WWC2: variants seen among roughly 807,000 people sequenced by gnomAD.
The protein encoded by WWC2 is WW and C2 domain containing 2, also known as protein WWC2.
Under a neutral mutation model 138.5 loss-of-function variants are expected in WWC2, and 101 were observed. The observed-to-expected ratio is 0.73, with a 90% confidence interval of 0.62 to 0.86. WWC2 has a LOEUF of 0.86. Among genes scored for constraint, WWC2 ranks in the 40% least tolerant of loss-of-function variants. The pLI, the probability that WWC2 is intolerant of heterozygous loss-of-function variation, is 0.00. For synonymous variants in WWC2, 558 were observed against 538.4 expected, an observed-to-expected ratio of 1.04 and a Z score of -0.50; for missense variants, 1,420 against 1,419.4, an observed-to-expected ratio of 1.00 and a Z score of -0.01.
intron 1 of WWC2, among the ~76,000 whole-genome samples, chr4:183,112,330 T>C (rs1732261760): frequency 6.6e-6 from 1 of 152,334 alleles, no homozygotes; most frequent in East Asian, 1.9e-4. Flanking sequence ...TGATTCTAAG[T>C]TATTTGAGAA....
At chr4:183,264,274 T>C (rs559764948) in intron 11 of WWC2, among the ~76,000 whole-genome samples, 1 of 152,180 alleles carries the variant, frequency 6.6e-6, no homozygotes, top group Non-Finnish European at 1.5e-5. Flanking sequence ...GCGCTCACTC[T>C]CACTCACTGG....
intron 1 of WWC2, among the ~76,000 whole-genome samples, chr4:183,116,099 C>T (rs548670050): frequency 6.6e-6 from 1 of 152,228 alleles, no homozygotes; most frequent in South Asian, 2.1e-4. Context: ...ATAGGAAGTA[C>T]TCTCCCCATT....
intron 16 of WWC2, 37 bp from the exon 17 acceptor site, chr4:183,280,739 A>T: frequency 6.4e-7 from 1 of 1,568,008 alleles, no homozygotes. Flanking sequence ...TTTTTCAAGT[A>T]TATTATGTTA....
At chr4:183,278,043 G>C (rs1183887808) in intron 16 of WWC2, among the ~76,000 whole-genome samples, 2 of 152,024 alleles carry the variant, frequency 1.3e-5, no homozygotes, top group Non-Finnish European at 2.9e-5. Flanking sequence ...TAGACATGGA[G>C]TCCTTGCCCA....
At chr4:183,160,435 G>A (rs1291408555) in intron 1 of WWC2, among the ~76,000 whole-genome samples, 2 of 152,234 alleles carry the variant, frequency 1.3e-5, no homozygotes, top group African/African-American at 4.8e-5. Context: ...AATGTGGGAT[G>A]AGAGGTAGAC....
chr4:183,259,843 C>A, intron 10 of WWC2, 115 bp downstream of exon 10: 1 of 773,976 alleles, frequency 1.3e-6, no homozygotes, highest in Non-Finnish European at 2.1e-6. Flanking sequence ...ATTATAGTAG[C>A]ACAGTTACTG....
chr4:183,197,537 A>G (rs1735178353), intron 2 of WWC2, among the ~76,000 whole-genome samples: 1 of 152,220 alleles, frequency 6.6e-6, no homozygotes, highest in African/African-American at 2.4e-5. Flanking sequence ...CTTGACTGTG[A>G]AAGTTATTTT....
chr4:183,123,714 TATAC>T (rs1242039901), intron 1 of WWC2, among the ~76,000 whole-genome samples: 3 of 152,142 alleles, frequency 2.0e-5, no homozygotes, highest in African/African-American at 4.8e-5. Flanking sequence ...ATATATTAAA[TATAC>T]ATTTTGAATT....
rs939887289 is a variant in WWC2, at chr4:183,315,700, A to C, written c.3550A>C (p.Ile1184Leu). The C allele has an allele frequency of 1.2e-6, 2 of 1,613,472 alleles. No individual in the cohort carries two copies. Among genetic ancestry groups the C allele is most frequent in the African/African-American group, 2.7e-5 (2 of 74,936 alleles). The change falls in exon 23 of 23, where the codon ATC becomes CTC. Residue 1184 changes from isoleucine to leucine, a missense_variant. Coordinates refer to ENST00000403733, the MANE Select transcript of WWC2 (RefSeq NM_024949.6). ...IAYFTRAKIS[I>L]PSLPADDV ...CTACTTCACCAGAGCAAAGATAAGCATCCCATCCCTGCCAGCTGATGATGT... is the reference window on the plus strand; with the variant it reads ...CTACTTCACCAGAGCAAAGATAAGCCTCCCATCCCTGCCAGCTGATGATGT...
chr4:183,106,695 T>C (rs1743371751), intron 1 of WWC2, among the ~76,000 whole-genome samples: 1 of 152,206 alleles, frequency 6.6e-6, no homozygotes. Flanking sequence ...TCCCTTTGTA[T>C]CTGGCTTCTT....
intron 16 of WWC2, among the ~76,000 whole-genome samples, chr4:183,279,607 G>A (rs972681336): frequency 1.3e-5 from 2 of 152,002 alleles, no homozygotes; most frequent in Non-Finnish European, 2.9e-5. Context: ...ATCTGGTCCT[G>A]GACTCTTTTT....
intron 1 of WWC2, among the ~76,000 whole-genome samples, chr4:183,178,581 TAAAAAAA>T (rs75621020): frequency 3.9e-5 from 5 of 129,798 alleles, no homozygotes; most frequent in Non-Finnish European, 6.7e-5. Context: ...CCAGTCTCTT[TAAAAAAA>T]AAAAAAAAAA....
intron 22 of WWC2, 146 bp downstream of exon 22, chr4:183,312,614 G>A (rs1243438994): frequency 2.4e-6 from 3 of 1,247,460 alleles, no homozygotes; most frequent in South Asian, 1.5e-5. Context: ...TTTTCCATTT[G>A]CACCTGAGGT....
chr4:183,116,602 C>T (rs1732418391), intron 1 of WWC2, among the ~76,000 whole-genome samples: 1 of 152,206 alleles, frequency 6.6e-6, no homozygotes, highest in Admixed American at 6.5e-5. Context: ...GCCTCCCTGG[C>T]TTTGGAAGAT....
chr4:183,285,380 G>A (rs958027545), intron 19 of WWC2, among the ~76,000 whole-genome samples: 1 of 152,140 alleles, frequency 6.6e-6, no homozygotes, highest in Non-Finnish European at 1.5e-5. Context: ...TCATGTATTA[G>A]CTAAAAATAC....
In WWC2 at chr4:183,315,723, T is replaced by C. The variant is rs996772925; in HGVS notation, c.3573T>C (p.Asp1191=). ...KISIPSLPAD[D]V is the part of the protein sequence containing the mutation. ...GCATCCCATCCCTGCCAGCTGATGATGTGTGATTACATGACTTAAGAAATT... is the reference window on the plus strand; with the variant it reads ...GCATCCCATCCCTGCCAGCTGATGACGTGTGATTACATGACTTAAGAAATT... Residue 1191 remains aspartate, a synonymous_variant, in exon 23 of 23, where the codon GAT becomes GAC. Coordinates refer to ENST00000403733, the MANE Select transcript of WWC2 (RefSeq NM_024949.6). 7 of 1,611,928 alleles carry C rather than the reference T, an allele frequency of 4.3e-6. No homozygotes were observed. The highest frequency in any genetic ancestry group is 3.3e-5 in the Admixed American group (2 of 59,916).
At chr4:183,170,425 G>A (rs1734244405) in intron 1 of WWC2, among the ~76,000 whole-genome samples, 1 of 152,180 alleles carries the variant, frequency 6.6e-6, no homozygotes, top group Non-Finnish European at 1.5e-5. Flanking sequence ...TCAAGTTCTG[G>A]AGTCAGTCAT....
intron 1 of WWC2, among the ~76,000 whole-genome samples, chr4:183,105,313 C>T (rs188477637): frequency 5.9e-5 from 9 of 152,316 alleles, no homozygotes; most frequent in Non-Finnish European, 8.8e-5. Flanking sequence ...CCAGGTGCAC[C>T]AGGAAAAGCG....
In WWC2 at chr4:183,261,324, G is replaced by C; in HGVS notation, c.1701G>C (p.Thr567=). The change falls in exon 11 of 23, where the codon ACG becomes ACC. Residue 567 remains threonine (T), a synonymous_variant. Transcript: ENST00000403733. ...GCTCTCCCTTGGTTTTGGAAGGCAC[G>C]TTTCCCATGTCTTCTTCTCATGATG... ...PPGSPLVLEG[T]FPMSSSHDAS... is the part of the protein sequence containing the mutation. The C allele has an allele frequency of 6.2e-7, 1 of 1,613,502 alleles. No individual in the cohort carries two copies. The highest frequency in any genetic ancestry group is 8.5e-7 in the Non-Finnish European group (1 of 1,179,722).
Sources: allele counts gnomAD v4.1 joint callset (sites outside exome capture counted in the v4.1 genomes callset), GRCh38; gene constraint gnomAD v4.1.1; transcripts MANE v1.5; gene names NCBI Gene and HGNC (gene_info 2026-07-23, HGNC 2026-07-21).